LRP1B: variants seen among roughly 807,000 people sequenced by gnomAD.
LRP1B encodes low-density lipoprotein receptor-related protein 1B.
A neutral mutation model predicts 556.6 loss-of-function variants in LRP1B; 217 were observed. That is an observed-to-expected ratio of 0.39 (90% confidence interval 0.35 to 0.44). The LOEUF (loss-of-function observed/expected upper bound fraction) is 0.44, where lower values mean the gene tolerates loss of function less well. Ranked by LOEUF, LRP1B falls within the 20% of genes least tolerant of loss-of-function variation. The pLI, the probability that LRP1B is intolerant of heterozygous loss-of-function variation, is 1.00. For synonymous variants in LRP1B, 2,047 were observed against 1,865.8 expected (o/e 1.10, Z -2.50); for missense variants, 5,053 against 5,620.8 (o/e 0.90, Z 3.23).
chr2:141,994,794 A>C (rs1473685594), intron 1 of LRP1B, among the ~76,000 whole-genome samples: 1 of 152,152 alleles, frequency 6.6e-6, no homozygotes. Context: ...TCCACCTTAC[A>C]TTTTAGACCT....
intron 1 of LRP1B, among the ~76,000 whole-genome samples, chr2:142,089,582 G>C (rs896496009): frequency 6.6e-6 from 1 of 152,222 alleles, no homozygotes; most frequent in Admixed American, 6.5e-5. Context: ...AGGGCATCCT[G>C]TCAAAGACGC....
At position 140,381,140 on chromosome 2, in the gene LRP1B, ACT is replaced by A. The variant is rs1372472831; in HGVS notation, c.10532-2856_10532-2855del. Among the ~76,000 whole-genome samples the A allele has an allele frequency of 2.6e-5, 4 of 152,082 alleles. No individual in the cohort carries two copies. The East Asian group carries it at 7.8e-4, about 29-fold the overall frequency. ...TTGCCACTAGATAGCTCAAAAAGAA[ACT>A]CTCTCTTCAGGAAAATGTAATTTAG... On this transcript the variant is annotated intron_variant, in intron 67 of 90. Transcript: ENST00000389484.
chr2:140,291,849 G>A (rs1433957400), intron 84 of LRP1B, among the ~76,000 whole-genome samples: 1 of 152,046 alleles, frequency 6.6e-6, no homozygotes, highest in Non-Finnish European at 1.5e-5. Context: ...TGGGTCAAAT[G>A]GTATTTCTAG....
intron 41 of LRP1B, among the ~76,000 whole-genome samples, chr2:140,680,173 C>T (rs1685812915): frequency 6.6e-6 from 1 of 151,892 alleles, no homozygotes; most frequent in Non-Finnish European, 1.5e-5. Context: ...CTTTCCAGAC[C>T]CCAGACCCTA....
intron 2 of LRP1B, among the ~76,000 whole-genome samples, chr2:141,661,761 G>A (rs1047717675): frequency 6.6e-6 from 1 of 152,130 alleles, no homozygotes; most frequent in Admixed American, 6.5e-5. Flanking sequence ...CTTACTTCAG[G>A]ATATCACCCA....
Position 140,525,682 on chromosome 2 carries a change from C to T in LRP1B, c.8026+162G>A, listed in dbSNP as rs376935642. On this transcript the variant is annotated intron_variant, in intron 49 of 90. Coordinates refer to ENST00000389484, the MANE Select transcript of LRP1B (RefSeq NM_018557.3). ...TTGTAACTCACTTAAAAAGATCAAG[C>T]GGTATGTTTAGAACAGGTTAATTAC... Among the ~76,000 whole-genome samples the T allele has an allele frequency of 9.9e-5, 15 of 151,964 alleles. No homozygotes were observed. The East Asian group carries it at 2.1e-3, about 22-fold the overall frequency.
At chr2:141,440,371 G>T (rs2105001990) in intron 3 of LRP1B, among the ~76,000 whole-genome samples, 1 of 152,332 alleles carries the variant, frequency 6.6e-6, no homozygotes, top group Non-Finnish European at 1.5e-5. Context: ...CCTCCACACT[G>T]AACTCCTAGT....
chr2:141,440,391 C>T (rs762404851), intron 3 of LRP1B, among the ~76,000 whole-genome samples: 2 of 152,250 alleles, frequency 1.3e-5, no homozygotes, highest in Non-Finnish European at 2.9e-5. Flanking sequence ...TTGAAAATGG[C>T]CACGCCCTGC....
rs139015758 is a variant in LRP1B at position 140,891,207 on chromosome 2, T to C, written c.3767-4872A>G. ...ATAAATCTAGTGCTTTACAAGAAGCTTTTAGAAAACACTCAGAAGACTGTT... is the reference window on the plus strand; with the variant it reads ...ATAAATCTAGTGCTTTACAAGAAGCCTTTAGAAAACACTCAGAAGACTGTT... On this transcript the variant is annotated intron_variant, in intron 23 of 90. Coordinates refer to ENST00000389484, the MANE Select transcript of LRP1B (RefSeq NM_018557.3). Among the ~76,000 whole-genome samples the C allele has an allele frequency of 2.4e-3, 361 of 152,266 alleles. 3 individuals carry two copies. Among genetic ancestry groups the C allele is most frequent in the African/African-American group, 8.3e-3 (344 of 41,572 alleles).
At chr2:141,782,855 C>T (rs1695309879) in intron 2 of LRP1B, among the ~76,000 whole-genome samples, 1 of 151,886 alleles carries the variant, frequency 6.6e-6, no homozygotes, top group African/African-American at 2.4e-5. Flanking sequence ...CTGTGTAAGG[C>T]ACTGTGTTAG....
At chr2:140,523,571 C>A (rs1558941849) in intron 49 of LRP1B, among the ~76,000 whole-genome samples, 2 of 151,372 alleles carry the variant, frequency 1.3e-5, no homozygotes, top group Non-Finnish European at 3.0e-5. Flanking sequence ...TAAAGGCATG[C>A]AAATAGAAAA....
At chr2:140,691,395 T>A (rs904309450) in intron 41 of LRP1B, among the ~76,000 whole-genome samples, 1 of 149,146 alleles carries the variant, frequency 6.7e-6, no homozygotes, top group Admixed American at 6.8e-5. Flanking sequence ...CACTTGAACC[T>A]GGAAGGCGGA....
intron 3 of LRP1B, among the ~76,000 whole-genome samples, chr2:141,443,584 C>T (rs1410069737): frequency 1.3e-5 from 2 of 152,218 alleles, no homozygotes; most frequent in African/African-American, 4.8e-5. Flanking sequence ...AGTCTTTGAT[C>T]CATCTTGAGT....
intron 37 of LRP1B, among the ~76,000 whole-genome samples, chr2:140,712,873 C>T (rs766628546): frequency 1.5e-4 from 23 of 152,012 alleles, no homozygotes; most frequent in Non-Finnish European, 3.1e-4. Context: ...TCCTTAAACT[C>T]TCTTCCCTTG....
intron 41 of LRP1B, among the ~76,000 whole-genome samples, chr2:140,630,153 C>T (rs1261424827): frequency 1.3e-5 from 2 of 152,142 alleles, no homozygotes; most frequent in East Asian, 3.9e-4. Context: ...AATTCTCAGG[C>T]CCTACCCCAG....
At position 140,572,208 on chromosome 2, in the gene LRP1B, A is replaced by C. The variant is rs548905635; in HGVS notation, c.7194+26423T>G. ...AAACAATTAATAGAGTGAAGAGACAATCTACAGAGAAGAAAATATTTGTAA... is the reference window on the plus strand; with the variant it reads ...AAACAATTAATAGAGTGAAGAGACACTCTACAGAGAAGAAAATATTTGTAA... On this transcript the variant is annotated intron_variant, in intron 43 of 90. Coordinates refer to ENST00000389484, the MANE Select transcript of LRP1B (RefSeq NM_018557.3). Among the ~76,000 whole-genome samples the C allele has an allele frequency of 1.0e-3, 157 of 150,084 alleles. 2 individuals are homozygous for C. The highest frequency in any genetic ancestry group is 3.4e-3 in the Middle Eastern group (1 of 294).
intron 66 of LRP1B, among the ~76,000 whole-genome samples, chr2:140,431,241 C>G (rs551393287): frequency 6.6e-6 from 1 of 152,318 alleles, no homozygotes; most frequent in Non-Finnish European, 1.5e-5. Context: ...CCTCCCCAAG[C>G]TCAGCCAGCA....
rs1686589730 is a variant in LRP1B, at chr2:140,700,395, T to C, written c.6654A>G (p.Pro2218=). Reference sequence around the variant, plus strand: ...AGGCTATGACATTCTTGAAATAACGTGGATTCTCATATGGCCTTATTGGGG... The same window carrying C: ...AGGCTATGACATTCTTGAAATAACGCGGATTCTCATATGGCCTTATTGGGG... The part of the protein sequence containing the change: ...LNSPIRPYEN[P]RYFKNVIALA... Residue 2218 remains proline, a synonymous_variant, in exon 41 of 91, where the codon CCA becomes CCG. Transcript: ENST00000389484. 2.5e-6 allele frequency: 4 copies of C among 1,613,428 alleles called. No homozygotes were observed. The highest frequency in any genetic ancestry group is 3.4e-6 in the Non-Finnish European group (4 of 1,179,582).
chr2:140,358,427 T>C (rs1180055943), intron 73 of LRP1B, among the ~76,000 whole-genome samples: 2 of 151,768 alleles, frequency 1.3e-5, no homozygotes, highest in Admixed American at 1.3e-4. Flanking sequence ...TGTCTCCAGA[T>C]GATTTTGCTG....
Sources: gnomAD v4.1 joint callset for allele counts (sites outside exome capture counted in the v4.1 genomes callset) on GRCh38, gnomAD v4.1.1 for gene constraint, MANE v1.5 for transcripts, NCBI Gene and HGNC (gene_info 2026-07-23, HGNC 2026-07-21) for gene names.